Variants in SGIP1 observed in about 807,000 individuals in gnomAD.
SGIP1 encodes SH3GL interacting endocytic adaptor 1.
Under a neutral mutation model 107.5 loss-of-function variants are expected in SGIP1, and 38 were observed. That is an observed-to-expected ratio of 0.35 (90% confidence interval 0.27 to 0.46). SGIP1 has a LOEUF of 0.46. SGIP1 is among the 20% of genes least tolerant of loss of function. The pLI is 1.00. For missense variants in SGIP1, 929 were observed against 1,019.5 expected (o/e 0.91, Z 1.21); for synonymous variants, 365 against 366.1 (o/e 1.00, Z 0.03).
intron 20 of SGIP1, among the ~76,000 whole-genome samples, chr1:66,730,899 C>A (rs981389112): frequency 3.3e-5 from 5 of 152,142 alleles, no homozygotes; most frequent in Admixed American, 2.0e-4. Flanking sequence ...CCAACTCATC[C>A]TTTAGTCTCA....
chr1:66,696,370 A>C (rs2090923297), intron 18 of SGIP1, among the ~76,000 whole-genome samples: 1 of 152,166 alleles, frequency 6.6e-6, no homozygotes, highest in Non-Finnish European at 1.5e-5. Flanking sequence ...AAATAGCTAC[A>C]TTTATCCCAG....
intron 1 of SGIP1, among the ~76,000 whole-genome samples, chr1:66,558,272 T>C (rs900181163): frequency 6.6e-6 from 1 of 151,904 alleles, no homozygotes; most frequent in African/African-American, 2.4e-5. Flanking sequence ...GGCCCATGCT[T>C]AGAGGGGCCC....
rs2094204520 is a variant in SGIP1 at position 66,735,736 on chromosome 1, C to T, written c.2031+1856C>T. ...TCGGGAGGCTGAGGCGGGAGAATGG[C>T]GTGAACCCGGGAGGCGGAGCTTGCA... On this transcript the variant is annotated intron_variant, in intron 21 of 24. Transcript: ENST00000371037. Among the ~76,000 whole-genome samples the T allele has an allele frequency of 3.2e-5, 2 of 61,824 alleles. 1 individual carries two copies. Among genetic ancestry groups the T allele is most frequent in the Non-Finnish European group, 6.8e-5 (2 of 29,554 alleles). 40.6% of individuals were successfully genotyped at this position (61,824 alleles called of 152,430 possible). A position where few individuals can be genotyped will look rare whatever the true frequency, so the allele number is the denominator to read the frequency against.
At chr1:66,595,981 T>G (rs1570313593) in intron 1 of SGIP1, among the ~76,000 whole-genome samples, 1 of 152,364 alleles carries the variant, frequency 6.6e-6, no homozygotes, top group East Asian at 1.9e-4. Flanking sequence ...TTAATAGAAC[T>G]GTTCTGTAGC....
chr1:66,721,815 A>G (rs2093552033), intron 19 of SGIP1, among the ~76,000 whole-genome samples: 1 of 152,092 alleles, frequency 6.6e-6, no homozygotes. Context: ...CTGCTTCCTA[A>G]TTGGCTTTCA....
At chr1:66,715,915 A>G (rs762486127) in intron 18 of SGIP1, among the ~76,000 whole-genome samples, 1 of 152,114 alleles carries the variant, frequency 6.6e-6, no homozygotes, top group Non-Finnish European at 1.5e-5. Flanking sequence ...AGCACTTTTA[A>G]TGAATCTGCC....
chr1:66,595,278 A>G lies in SGIP1; in HGVS notation c.11-30569A>G, dbSNP rs147992786. Among the ~76,000 whole-genome samples the G allele has an allele frequency of 1.6e-3, 250 of 152,224 alleles. 5 individuals are homozygous for G. In the South Asian group the frequency reaches 0.039, roughly 24 times the overall value. ...TTTGCCAGTGCCTGTGGCAGACATC[A>G]AGTGTCAACTGGGTTCTCTTCCTGC... On this transcript the variant is annotated intron_variant, in intron 1 of 24. Transcript: ENST00000371037.
At chr1:66,587,954 C>A (rs979494231) in intron 1 of SGIP1, among the ~76,000 whole-genome samples, 1 of 152,104 alleles carries the variant, frequency 6.6e-6, no homozygotes, top group South Asian at 2.1e-4. Context: ...ATTACTTGCA[C>A]TTTTTGCTTT....
chr1:66,675,086 C>T (rs2084874267), intron 12 of SGIP1, among the ~76,000 whole-genome samples: 1 of 152,212 alleles, frequency 6.6e-6, no homozygotes, highest in Admixed American at 6.5e-5. Flanking sequence ...CAATCTCACT[C>T]TTAATGACAT....
At chr1:66,634,697 A>G (rs1273090611) in intron 3 of SGIP1, among the ~76,000 whole-genome samples, 1 of 152,234 alleles carries the variant, frequency 6.6e-6, no homozygotes, top group East Asian at 1.9e-4. Context: ...GTTAATTTTG[A>G]TTTCTTAGGA....
At chr1:66,709,803 G>A (rs1177299383) in intron 18 of SGIP1, among the ~76,000 whole-genome samples, 1 of 152,094 alleles carries the variant, frequency 6.6e-6, no homozygotes. Flanking sequence ...ATAAGGGAAT[G>A]CATGTGGAAC....
intron 5 of SGIP1, among the ~76,000 whole-genome samples, chr1:66,640,335 A>C (rs1201529275): frequency 6.6e-6 from 1 of 152,200 alleles, no homozygotes; most frequent in Admixed American, 6.5e-5. Context: ...TGTTCAAAAA[A>C]TGCTTTTTTA....
At chr1:66,615,201 C>T (rs2068966628) in intron 1 of SGIP1, among the ~76,000 whole-genome samples, 1 of 152,026 alleles carries the variant, frequency 6.6e-6, no homozygotes, top group Non-Finnish European at 1.5e-5. Context: ...ATGCTATGAA[C>T]TTGGCTCACT....
At chr1:66,594,553 C>T (rs1364591963) in intron 1 of SGIP1, among the ~76,000 whole-genome samples, 4 of 152,118 alleles carry the variant, frequency 2.6e-5, no homozygotes, top group African/African-American at 9.7e-5. Context: ...GATCCAGGTA[C>T]TTGGTTTTGC....
chr1:66,696,219 A>G (rs1381956780), intron 18 of SGIP1, among the ~76,000 whole-genome samples: 3 of 152,178 alleles, frequency 2.0e-5, no homozygotes, highest in African/African-American at 7.2e-5. Flanking sequence ...TTTAAGTTTT[A>G]ATCATCTTAA....
At chr1:66,554,375 T>C (rs2057875779) in intron 1 of SGIP1, among the ~76,000 whole-genome samples, 1 of 152,172 alleles carries the variant, frequency 6.6e-6, no homozygotes, top group Admixed American at 6.5e-5. Context: ...CCAATGCAAA[T>C]AATGCAATTT....
chr1:66,611,693 A>G (rs1008321132), intron 1 of SGIP1, among the ~76,000 whole-genome samples: 3 of 152,320 alleles, frequency 2.0e-5, no homozygotes, highest in Middle Eastern at 6.8e-3. Context: ...AACAGATCGG[A>G]TGGACACAAG....
At chr1:66,702,654 T>C (rs1483179029) in intron 18 of SGIP1, among the ~76,000 whole-genome samples, 1 of 152,212 alleles carries the variant, frequency 6.6e-6, no homozygotes, top group East Asian at 1.9e-4. Flanking sequence ...AGTGGCCTCT[T>C]GGGTGTCTGG....
At position 66,660,371 on chromosome 1, in the gene SGIP1, C is replaced by G. The variant is rs2081222641; in HGVS notation, c.460-142C>G. ...CCTAGGAATGACCATATCAGACCCCCACAGGAAGCATTTATAAAAGCAGTG... is the reference window on the plus strand; with the variant it reads ...CCTAGGAATGACCATATCAGACCCCGACAGGAAGCATTTATAAAAGCAGTG... On this transcript the variant is annotated intron_variant, in intron 7 of 24. Transcript: ENST00000371037. 3.5e-5 allele frequency: 26 copies of G among 744,092 alleles called. No individual in the cohort carries two copies. The South Asian group carries it at 4.1e-4, about 12-fold the overall frequency. 46.1% of individuals were successfully genotyped at this position (744,092 alleles called of 1,614,324 possible). A position where few individuals can be genotyped will look rare whatever the true frequency, so the allele number is the denominator to read the frequency against.
Sources: allele counts gnomAD v4.1 joint callset (sites outside exome capture counted in the v4.1 genomes callset), GRCh38; gene constraint gnomAD v4.1.1; transcripts MANE v1.5; gene names NCBI Gene and HGNC (gene_info 2026-07-23, HGNC 2026-07-21).